Variants in RERE observed in about 807,000 individuals in gnomAD.
RERE encodes arginine-glutamic acid dipeptide repeats.
A neutral mutation model predicts 146.1 loss-of-function variants in RERE; 40 were observed. The observed-to-expected ratio is 0.27, with a 90% CI of 0.21 to 0.36. The LOEUF (loss-of-function observed/expected upper bound fraction) is 0.36, where lower values mean the gene tolerates loss of function less well. Ranked by LOEUF, RERE falls within the 10% of genes least tolerant of loss-of-function variation. The pLI is 1.00. For synonymous variants in RERE, 1,003 were observed against 866.0 expected (o/e 1.16, Z -2.78); for missense variants, 1,933 against 2,138.7 (o/e 0.90, Z 1.90).
At chr1:8,702,294 C>T (rs1383755884) in intron 1 of RERE, among the ~76,000 whole-genome samples, 1 of 152,130 alleles carries the variant, frequency 6.6e-6, no homozygotes, top group Non-Finnish European at 1.5e-5. Flanking sequence ...CCACAGAGCG[C>T]GGGGCACATG....
At chr1:8,442,145 G>C (rs1644257893) in intron 11 of RERE, among the ~76,000 whole-genome samples, 1 of 152,108 alleles carries the variant, frequency 6.6e-6, no homozygotes, top group African/African-American at 2.4e-5. Context: ...ATCACTTTGG[G>C]AGGCTTAGGT....
intron 2 of RERE, among the ~76,000 whole-genome samples, chr1:8,648,545 T>C (rs547327780): frequency 1.3e-5 from 2 of 152,350 alleles, no homozygotes; most frequent in East Asian, 3.9e-4. Flanking sequence ...AGTCATTTAC[T>C]TTAAATAGGT....
intron 11 of RERE, among the ~76,000 whole-genome samples, chr1:8,430,318 G>A (rs1017926231): frequency 9.2e-5 from 14 of 152,162 alleles, no homozygotes; most frequent in African/African-American, 2.2e-4. Context: ...CAAGCCATGA[G>A]GGGCATTTCC....
chr1:8,447,454 G>A (rs573373198), intron 11 of RERE, among the ~76,000 whole-genome samples: 1 of 152,274 alleles, frequency 6.6e-6, no homozygotes, highest in South Asian at 2.1e-4. Flanking sequence ...GGTCTTTGAT[G>A]TTGGTGACCT....
In RERE at chr1:8,423,071, G is replaced by A; in HGVS notation, c.1204-264C>T. ...AAGGACGTCCTGCGTCTGAGGCTAA[G>A]AAGCAATCTGTCCCCCTCTTCCACC... On this transcript the variant is annotated intron_variant, in intron 11 of 22. Transcript: ENST00000400908. This position sits in a 1 kb window ranked among gnomAD's most constrained non-coding sequence, Gnocchi z 5.4. 1 of 445,220 alleles carries A rather than the reference G, an allele frequency of 2.2e-6. No individual in the cohort carries two copies. The highest frequency in any genetic ancestry group is 4.2e-6 in the Non-Finnish European group (1 of 240,366). 27.6% of individuals were successfully genotyped at this position (445,220 alleles called of 1,614,324 possible). A position where few individuals can be genotyped will look rare whatever the true frequency, so the allele number is the denominator to read the frequency against.
intron 4 of RERE, among the ~76,000 whole-genome samples, chr1:8,566,045 CAG>C (rs1646148635): frequency 6.6e-6 from 1 of 152,228 alleles, no homozygotes; most frequent in South Asian, 2.1e-4. Flanking sequence ...TTTGAGAGGG[CAG>C]AGTGAGGCCT....
intron 4 of RERE, among the ~76,000 whole-genome samples, chr1:8,603,909 T>C (rs1570497389): frequency 8.1e-6 from 1 of 123,556 alleles, no homozygotes; most frequent in Middle Eastern, 4.9e-3. Context: ...CACTGTACTC[T>C]AGGTGGGTGA....
chr1:8,371,779 A>C (rs549081074), intron 12 of RERE, among the ~76,000 whole-genome samples: 1 of 152,268 alleles, frequency 6.6e-6, no homozygotes, highest in African/African-American at 2.4e-5. Context: ...TACCTCCTAG[A>C]GGCTGCCTGT....
At chr1:8,812,175 T>C (rs921271549) in intron 1 of RERE, among the ~76,000 whole-genome samples, 4 of 152,186 alleles carry the variant, frequency 2.6e-5, no homozygotes, top group African/African-American at 7.2e-5. Context: ...AAAATTAAGA[T>C]AAAACCCATG....
At chr1:8,446,353 C>G (rs1216369678) in intron 11 of RERE, among the ~76,000 whole-genome samples, 1 of 151,818 alleles carries the variant, frequency 6.6e-6, no homozygotes, top group Admixed American at 6.6e-5. Flanking sequence ...GGTTACTCTT[C>G]TCATCTGATA....
chr1:8,536,516 T>C (rs1228772779), intron 7 of RERE, among the ~76,000 whole-genome samples: 1 of 152,204 alleles, frequency 6.6e-6, no homozygotes, highest in Non-Finnish European at 1.5e-5. Context: ...TATTTTAGTT[T>C]AACCACCGAC....
Position 8,360,488 on chromosome 1 carries a change from G to GC in RERE, c.3018dup (p.Leu1007AlafsTer96). On this transcript the variant is annotated frameshift_variant, in exon 18 of 23. Coordinates refer to ENST00000400908, the MANE Select transcript of RERE (RefSeq NM_001042681.2). LOFTEE classifies it high-confidence loss of function. ...GGGGGCAGGTTCTGGCTCTGGGTCA[G>GC]CCCGGGGGGCTGGGCGGGCGAGGAG... The GC allele has an allele frequency of 7.3e-7, 1 of 1,362,622 alleles. No individual in the cohort carries two copies. Among genetic ancestry groups the GC allele is most frequent in the African/African-American group, 1.6e-5 (1 of 63,772 alleles). The allele number at this position is 1,362,622 out of a possible 1,614,324, so 84.4% of individuals were successfully genotyped here. A position where few individuals can be genotyped will look rare whatever the true frequency, so the allele number is the denominator to read the frequency against.
intron 1 of RERE, among the ~76,000 whole-genome samples, chr1:8,757,960 A>G (rs187973100): frequency 6.6e-6 from 1 of 151,290 alleles, no homozygotes; most frequent in African/African-American, 2.4e-5. Context: ...TATGTGTTCT[A>G]AGAAAATTCT....
intron 3 of RERE, among the ~76,000 whole-genome samples, chr1:8,618,398 G>A (rs1646880811): frequency 6.6e-6 from 1 of 152,164 alleles, no homozygotes; most frequent in African/African-American, 2.4e-5. Flanking sequence ...ACAACCTGAT[G>A]TCAAAGTCCG....
At chr1:8,776,971 C>T (rs1208093223) in intron 1 of RERE, among the ~76,000 whole-genome samples, 4 of 151,936 alleles carry the variant, frequency 2.6e-5, no homozygotes, top group Non-Finnish European at 4.4e-5. Flanking sequence ...TCAAGCTATC[C>T]GCCTGTCTCC....
At chr1:8,597,382 G>A (rs1407292171) in intron 4 of RERE, among the ~76,000 whole-genome samples, 3 of 152,140 alleles carry the variant, frequency 2.0e-5, no homozygotes, top group Non-Finnish European at 4.4e-5. Context: ...GTGAGCCACT[G>A]TGCCCAGCCC....
At chr1:8,450,948 T>A (rs778664642) in intron 11 of RERE, among the ~76,000 whole-genome samples, 4 of 152,202 alleles carry the variant, frequency 2.6e-5, no homozygotes, top group Non-Finnish European at 5.9e-5. Context: ...AGCCTAGCCA[T>A]CTACCGGTAG....
intron 4 of RERE, among the ~76,000 whole-genome samples, chr1:8,601,808 G>A (rs1392407503): frequency 6.7e-6 from 1 of 149,930 alleles, no homozygotes; most frequent in Non-Finnish European, 1.5e-5. Context: ...TCTTCTATTA[G>A]AGAGAACCGA....
chr1:8,751,128 T>C (rs1444895445), intron 1 of RERE: 2 of 383,998 alleles, frequency 5.2e-6, no homozygotes, highest in South Asian at 3.1e-5. Context: ...TCCAAAGTGC[T>C]TGAAACATCT....
Sources: allele counts gnomAD v4.1 joint callset (sites outside exome capture counted in the v4.1 genomes callset), GRCh38; gene constraint gnomAD v4.1.1; non-coding constraint Gnocchi (gnomAD v3.1); transcripts MANE v1.5; gene names NCBI Gene and HGNC (gene_info 2026-07-23, HGNC 2026-07-21).